FRMD4B: variants seen among roughly 807,000 people sequenced by gnomAD.
FRMD4B encodes FERM domain containing 4B.
A neutral mutation model predicts 141.5 loss-of-function variants in FRMD4B; 74 were observed. That is an observed-to-expected ratio of 0.52 (90% CI 0.43 to 0.63). FRMD4B has a LOEUF of 0.63. Among genes scored for constraint, FRMD4B ranks in the 30% least tolerant of loss-of-function variants. The probability of loss-of-function intolerance (pLI) is 0.00; values close to 1 mark genes in which losing one functional copy is unlikely to be tolerated. For missense variants in FRMD4B, 1,366 were observed against 1,253.4 expected (o/e 1.09, Z -1.36); for synonymous variants, 506 against 467.9 (o/e 1.08, Z -1.05).
chr3:69,500,935 AG>A (rs973090976), intron 1 of FRMD4B, among the ~76,000 whole-genome samples: 1 of 152,204 alleles, frequency 6.6e-6, no homozygotes, highest in Admixed American at 6.5e-5. Context: ...AAACATGTCT[AG>A]GCACACGCAT....
At chr3:69,264,405 G>T (rs1170854358) in intron 5 of FRMD4B, among the ~76,000 whole-genome samples, 1 of 149,986 alleles carries the variant, frequency 6.7e-6, no homozygotes, top group African/African-American at 2.4e-5. Flanking sequence ...GAAGTAAAAA[G>T]TTGGTGGGGG....
intron 1 of FRMD4B, among the ~76,000 whole-genome samples, chr3:69,325,275 G>C (rs1254207881): frequency 6.6e-6 from 1 of 152,196 alleles, no homozygotes; most frequent in Non-Finnish European, 1.5e-5. Flanking sequence ...AAGTAAACAA[G>C]AAAGGCTGGC....
intron 2 of FRMD4B, among the ~76,000 whole-genome samples, chr3:69,419,881 G>C (rs1038649513): frequency 1.3e-5 from 2 of 152,214 alleles, no homozygotes; most frequent in Admixed American, 6.5e-5. Flanking sequence ...GTTTGAGATG[G>C]AGTTTTGCCC....
chr3:69,359,436 AAATT>A (rs1703412953), intron 1 of FRMD4B, among the ~76,000 whole-genome samples: 1 of 152,212 alleles, frequency 6.6e-6, no homozygotes. Context: ...CAAATACAGA[AAATT>A]AATTCATAAT....
chr3:69,277,686 C>A (rs551292461), intron 5 of FRMD4B, among the ~76,000 whole-genome samples: 53 of 151,826 alleles, frequency 3.5e-4, no homozygotes, highest in African/African-American at 1.3e-3. Context: ...CACGCACCAC[C>A]ACGCCCAGCT....
At chr3:69,334,250 T>G (rs1702469207) in intron 1 of FRMD4B, 1 of 152,176 alleles carries the variant, frequency 6.6e-6, no homozygotes, top group African/African-American at 2.4e-5. Flanking sequence ...AATGGGGGGA[T>G]GGTGTTATCC....
chr3:69,533,723 C>A (rs1321037085), intron 1 of FRMD4B, among the ~76,000 whole-genome samples: 2 of 152,158 alleles, frequency 1.3e-5, no homozygotes, highest in South Asian at 2.1e-4. Context: ...GAACTCTCCA[C>A]CTGCTGCTGC....
chr3:69,308,949 C>T (rs1047051907), intron 3 of FRMD4B, among the ~76,000 whole-genome samples: 3 of 152,082 alleles, frequency 2.0e-5, no homozygotes, highest in African/African-American at 4.8e-5. Flanking sequence ...TTATGTTCTT[C>T]AATGCACTTA....
chr3:69,273,435 C>T (rs2093604358), intron 5 of FRMD4B, among the ~76,000 whole-genome samples: 1 of 152,110 alleles, frequency 6.6e-6, no homozygotes, highest in South Asian at 2.1e-4. Context: ...TCTGATCATG[C>T]AATGCTGAAA....
chr3:69,410,129 C>T (rs777604786), intron 2 of FRMD4B, among the ~76,000 whole-genome samples: 5 of 152,198 alleles, frequency 3.3e-5, no homozygotes, highest in Non-Finnish European at 5.9e-5. Context: ...TTCCCTCAGA[C>T]TGTGAAGCAA....
intron 5 of FRMD4B, among the ~76,000 whole-genome samples, chr3:69,282,275 G>T (rs1255849517): frequency 1.3e-5 from 2 of 152,214 alleles, no homozygotes; most frequent in Admixed American, 1.3e-4. Context: ...TGGCAGAGAA[G>T]AAATGTGTGT....
intron 1 of FRMD4B, among the ~76,000 whole-genome samples, chr3:69,477,580 T>C (rs1706024671): frequency 6.6e-6 from 1 of 152,034 alleles, no homozygotes; most frequent in Non-Finnish European, 1.5e-5. Flanking sequence ...GATAAGCTTT[T>C]TGATGTGCTG....
At chr3:69,386,230 C>T, upstream of FRMD4B, 1 of 415,146 alleles carries the variant, frequency 2.4e-6, no homozygotes, top group East Asian at 3.9e-5. Context: ...CACCCCCGCC[C>T]GCTCGCAGCG....
intron 5 of FRMD4B, 90 bp from the exon 6 acceptor site, chr3:69,250,189 G>T: frequency 1.1e-6 from 1 of 869,768 alleles, no homozygotes; most frequent in South Asian, 1.3e-5. Context: ...GTCACAGCTT[G>T]GCACCTCCAG....
At position 69,193,792 on chromosome 3, in the gene FRMD4B, G is replaced by A. The variant is rs1252748095; in HGVS notation, c.1570C>T (p.Pro524Ser). The stretch of plus-strand genomic sequence containing the variant: ...TTCTTCACAGTTTTACAAAGGTCTG[G>A]CTCATTGGCAAGTTTCTTTGCAGCT... ...VEAAKKLANE[P>S]DLCKTVKKKR... The change falls in exon 17 of 23, where the codon CCA (proline) becomes TCA (serine). Residue 524 changes from proline (P) to serine (S), a missense_variant. Transcript: ENST00000398540. 2 of 1,613,382 alleles carry A rather than the reference G, an allele frequency of 1.2e-6. No homozygotes were observed. Among genetic ancestry groups the A allele is most frequent in the Non-Finnish European group, 1.7e-6 (2 of 1,179,460 alleles).
At chr3:69,414,969 G>A (rs1239812486) in intron 2 of FRMD4B, among the ~76,000 whole-genome samples, 2 of 144,542 alleles carry the variant, frequency 1.4e-5, no homozygotes, top group Non-Finnish European at 3.0e-5. Flanking sequence ...GGGTTCAAAC[G>A]ATTCTCCTGC....
intron 7 of FRMD4B, among the ~76,000 whole-genome samples, chr3:69,246,825 T>G (rs6799790): frequency 6.6e-6 from 1 of 152,164 alleles, no homozygotes; most frequent in Non-Finnish European, 1.5e-5. Context: ...CAAGCTCGAG[T>G]GAAGGCAAAG....
chr3:69,207,934 C>T (rs941707409), intron 11 of FRMD4B, among the ~76,000 whole-genome samples: 27 of 152,226 alleles, frequency 1.8e-4, no homozygotes, highest in Admixed American at 1.0e-3. Flanking sequence ...CAGTGGTGTG[C>T]AGTGGCGCCA....
chr3:69,320,264 A>T (rs116249611), intron 1 of FRMD4B, among the ~76,000 whole-genome samples: 1,924 of 152,336 alleles, frequency 0.013, 35 homozygotes, highest in African/African-American at 0.043. Context: ...ACAGAAAAAA[A>T]TAAAACCCCA....
Sources: gnomAD v4.1 joint callset for allele counts (sites outside exome capture counted in the v4.1 genomes callset) on GRCh38, gnomAD v4.1.1 for gene constraint, MANE v1.5 for transcripts, NCBI Gene and HGNC (gene_info 2026-07-23, HGNC 2026-07-21) for gene names.